The following DYNC1LI2 variants were observed in gnomAD, a reference collection of about 807,000 sequenced individuals.
The protein encoded by DYNC1LI2 is cytoplasmic dynein 1 light intermediate chain 2.
In DYNC1LI2, 19 loss-of-function variants were observed where a neutral mutation model predicts 57.8. The observed-to-expected ratio is 0.33, with a 90% CI of 0.23 to 0.48. The LOEUF is 0.48. Ranked by LOEUF, DYNC1LI2 falls within the 20% of genes least tolerant of loss-of-function variation. DYNC1LI2 has a pLI of 0.99. For missense variants in DYNC1LI2, 470 were observed against 604.2 expected (o/e 0.78, Z 2.33); for synonymous variants, 256 against 233.4 (o/e 1.10, Z -0.88).
Position 66,729,066 on chromosome 16 carries a change from C to T in DYNC1LI2, c.1075G>A (p.Glu359Lys). 3 of 1,614,196 alleles carry T rather than the reference C, an allele frequency of 1.9e-6. No homozygotes were observed. Among genetic ancestry groups the T allele is most frequent in the African/African-American group, 1.3e-5 (1 of 75,054 alleles). ...TGTTGCTTCATTAGGAACACCTGCT[C>T]ATCTTCTGCTGCCAACTCTTTGTCG... is the stretch of plus-strand genomic sequence containing the variant. ...VHDKELAAED[E>K]QVFLMKQQSL... Residue 359 changes from glutamate to lysine, a missense_variant, in exon 9 of 13, where the codon GAG (glutamate) becomes AAG (lysine). Coordinates refer to ENST00000258198, the MANE Select transcript of DYNC1LI2 (RefSeq NM_006141.3).
intron 6 of DYNC1LI2, 101 bp from the exon 7 acceptor site, chr16:66,732,575 C>A: frequency 7.5e-7 from 1 of 1,324,590 alleles, no homozygotes; most frequent in Non-Finnish European, 1.0e-6. Flanking sequence ...AGTTTTTGAT[C>A]AATATATGAG....
intron 4 of DYNC1LI2, chr16:66,738,884 A>AC (rs1555505814): frequency 3.0e-5 from 4 of 133,402 alleles, no homozygotes; most frequent in African/African-American, 1.1e-4. Context: ...AAAAAAAACA[A>AC]ACACACACAC....
chr16:66,724,357 G>C (rs2017500143), intron 12 of DYNC1LI2, among the ~76,000 whole-genome samples: 1 of 152,112 alleles, frequency 6.6e-6, no homozygotes, highest in Admixed American at 6.5e-5. Flanking sequence ...CCTAGAAATA[G>C]ACACCTATTT....
chr16:66,748,198 AG>A (rs2017972499), intron 3 of DYNC1LI2, among the ~76,000 whole-genome samples: 2 of 142,556 alleles, frequency 1.4e-5, no homozygotes, highest in South Asian at 4.7e-4. Context: ...GGATGACCCG[AG>A]GCTGGGAGGC....
chr16:66,732,271 G>A, intron 7 of DYNC1LI2, 68 bp downstream of exon 7: 2 of 1,570,262 alleles, frequency 1.3e-6, no homozygotes, highest in South Asian at 2.4e-5. Flanking sequence ...TCCTTGAAGG[G>A]GTAAAATGTA....
At chr16:66,738,070 C>T (rs763176925) in intron 4 of DYNC1LI2, among the ~76,000 whole-genome samples, 3 of 152,158 alleles carry the variant, frequency 2.0e-5, no homozygotes, top group Admixed American at 6.5e-5. Context: ...CCACAGAACA[C>T]GTTTCAAACA....
chr16:66,743,469 G>A (rs1676940561), intron 3 of DYNC1LI2, among the ~76,000 whole-genome samples: 1 of 149,638 alleles, frequency 6.7e-6, no homozygotes, highest in Non-Finnish European at 1.5e-5. Flanking sequence ...GCTGAGGTAG[G>A]AGAATCACTT....
At chr16:66,738,199 T>G (rs2017769947) in intron 4 of DYNC1LI2, 1 of 151,794 alleles carries the variant, frequency 6.6e-6, no homozygotes, top group Admixed American at 6.6e-5. Flanking sequence ...ACTAACTGAT[T>G]AGGCCCTAAA....
chr16:66,735,224 C>T (rs2017712829), intron 5 of DYNC1LI2, among the ~76,000 whole-genome samples: 1 of 151,028 alleles, frequency 6.6e-6, no homozygotes, highest in South Asian at 2.1e-4. Context: ...TGCCTCAGCC[C>T]CCGAGTAGCT....
At chr16:66,746,915 T>C (rs1004410324) in intron 3 of DYNC1LI2, among the ~76,000 whole-genome samples, 5 of 152,126 alleles carry the variant, frequency 3.3e-5, no homozygotes, top group African/African-American at 9.7e-5. Flanking sequence ...GCCACAGCTC[T>C]TTCCACAGTA....
intron 3 of DYNC1LI2, among the ~76,000 whole-genome samples, chr16:66,743,471 G>C (rs1466653229): frequency 6.8e-6 from 1 of 147,154 alleles, no homozygotes; most frequent in East Asian, 2.0e-4. Context: ...TGAGGTAGGA[G>C]AATCACTTGA....
chr16:66,744,082 A>T (rs993698371), intron 3 of DYNC1LI2, among the ~76,000 whole-genome samples: 2 of 152,176 alleles, frequency 1.3e-5, no homozygotes, highest in African/African-American at 4.8e-5. Flanking sequence ...TTGTATATTT[A>T]TTTTTGAGAC....
rs140708567 is a variant in DYNC1LI2, at chr16:66,726,262, TCA to T, written c.1262-320_1262-319del. 5.9e-3 allele frequency among the ~76,000 whole-genome samples: 900 copies of T among 152,316 alleles called. 13 individuals carry two copies. The highest frequency in any genetic ancestry group is 0.021 in the African/African-American group (863 of 41,562). On this transcript the variant is annotated intron_variant, in intron 11 of 12. Transcript: ENST00000258198. ...ACATTCCAAACCTGCTGTGAAAAGC[TCA>T]CATCCTGAATAGAAGACACCCATCA...
Position 66,747,042 on chromosome 16 carries a change from T to C in DYNC1LI2, c.298+2155A>G, listed in dbSNP as rs1420330427. Among the ~76,000 whole-genome samples the C allele has an allele frequency of 3.9e-5, 6 of 152,064 alleles. No homozygotes were observed. In the East Asian group the frequency reaches 1.2e-3, roughly 29 times the overall value. ...GCCTAGATGAGTACCCAAATGCCTC[T>C]GTCCTTCTTACACAAGAGACTCTTA... On this transcript the variant is annotated intron_variant, in intron 3 of 12. Transcript: ENST00000258198.
chr16:66,745,632 G>A (rs1364635798), intron 3 of DYNC1LI2, among the ~76,000 whole-genome samples: 2 of 151,740 alleles, frequency 1.3e-5, no homozygotes, highest in African/African-American at 2.4e-5. Context: ...AGCAGGGCCT[G>A]GTGGCTCACG....
rs371546212 is a variant in DYNC1LI2, at chr16:66,727,720, G to A, written c.1229C>T (p.Thr410Met). 2.0e-5 allele frequency: 33 copies of A among 1,613,914 alleles called. No individual in the cohort carries two copies. The highest frequency in any genetic ancestry group is 1.6e-4 in the Middle Eastern group (1 of 6,082). ...GTTTGGGTCCGGCTTTTTTACTGAC[G>A]TGCCTGGGGAGGAGCTAGGCACACT... Reference protein sequence around the residue: ...PASVPSSSPGTSVKKPDPNIK... With the variant: ...PASVPSSSPGMSVKKPDPNIK... Residue 410 changes from threonine to methionine, a missense_variant, in exon 11 of 13, where the codon ACG becomes ATG. By Grantham distance (81) the Thr-to-Met change is moderately conservative. Coordinates refer to ENST00000258198, the MANE Select transcript of DYNC1LI2 (RefSeq NM_006141.3).
rs914817027 is a variant in DYNC1LI2, at chr16:66,728,940, T to A, written c.1101+100A>T. The A allele has an allele frequency of 1.1e-5, 14 of 1,226,546 alleles. No individual in the cohort carries two copies. In the African/African-American group the frequency reaches 2.1e-4, roughly 18 times the overall value. 76.0% of individuals were successfully genotyped at this position (1,226,546 alleles called of 1,614,324 possible). On this transcript the variant is annotated intron_variant, in intron 9 of 12. Coordinates refer to ENST00000258198, the MANE Select transcript of DYNC1LI2 (RefSeq NM_006141.3). ...TCTCAACCCCTCTACCACTGCAAGC[T>A]CTTTGTGACTTCCCACATGCAGACA...
Position 66,723,544 on chromosome 16 carries a change from C to T in DYNC1LI2, c.*178G>A, listed in dbSNP as rs1402086409. 2.9e-6 allele frequency: 2 copies of T among 678,320 alleles called. No homozygotes were observed. The highest frequency in any genetic ancestry group is 1.8e-5 in the African/African-American group (1 of 55,872). The allele number at this position is 678,320 out of a possible 1,614,324, so 42.0% of individuals were successfully genotyped here. ...CTTAACAAAGGGTCTGACATGTAAC[C>T]TTCCTAAATGTGCATTTCACACTCG... On this transcript the variant is annotated 3_prime_UTR_variant, in exon 13 of 13. Transcript: ENST00000258198.
chr16:66,724,360 A>C (rs961358274), intron 12 of DYNC1LI2, among the ~76,000 whole-genome samples: 10 of 152,128 alleles, frequency 6.6e-5, no homozygotes, highest in African/African-American at 2.4e-4. Flanking sequence ...AGAAATAGAC[A>C]CCTATTTCCC....
Sources: allele counts gnomAD v4.1 joint callset (sites outside exome capture counted in the v4.1 genomes callset), GRCh38; gene constraint gnomAD v4.1.1; transcripts MANE v1.5; gene names NCBI Gene and HGNC (gene_info 2026-07-23, HGNC 2026-07-21).